The following ARHGAP42 variants were observed in gnomAD, a reference collection of about 807,000 sequenced individuals.
ARHGAP42 encodes rho GTPase-activating protein 42.
In ARHGAP42, 63 loss-of-function variants were observed where a neutral mutation model predicts 125.0. The observed-to-expected ratio is 0.50, with a 90% CI of 0.41 to 0.62. The LOEUF is 0.62. Ranked by LOEUF, ARHGAP42 falls within the 20% of genes least tolerant of loss-of-function variation. ARHGAP42 has a pLI of 0.00. For missense variants in ARHGAP42, 766 were observed against 1,024.2 expected (o/e 0.75, Z 3.44); for synonymous variants, 339 against 351.0 (o/e 0.97, Z 0.38).
chr11:100,870,715 T>G (rs1468631599), intron 4 of ARHGAP42, among the ~76,000 whole-genome samples: 1 of 152,210 alleles, frequency 6.6e-6, no homozygotes, highest in Admixed American at 6.5e-5. Flanking sequence ...TATTTCACAC[T>G]TATGTTTTAG....
intron 4 of ARHGAP42, among the ~76,000 whole-genome samples, chr11:100,878,363 G>T (rs1183567929): frequency 6.6e-6 from 1 of 151,912 alleles, no homozygotes; most frequent in Non-Finnish European, 1.5e-5. Flanking sequence ...GGGTTATATT[G>T]ATACGATTTG....
intron 1 of ARHGAP42, among the ~76,000 whole-genome samples, chr11:100,745,476 C>G (rs1207710199): frequency 6.6e-6 from 1 of 152,148 alleles, no homozygotes; most frequent in Non-Finnish European, 1.5e-5. Flanking sequence ...ATAAGTACAC[C>G]TATTACGGCT....
At chr11:100,972,755 A>G (rs1474851492) in intron 17 of ARHGAP42, among the ~76,000 whole-genome samples, 2 of 152,190 alleles carry the variant, frequency 1.3e-5, no homozygotes, top group African/African-American at 4.8e-5. Context: ...TGGGAAGACT[A>G]AATACAATAA....
intron 5 of ARHGAP42, among the ~76,000 whole-genome samples, chr11:100,918,089 C>G (rs2135238758): frequency 6.6e-6 from 1 of 152,154 alleles, no homozygotes; most frequent in South Asian, 2.1e-4. Context: ...TCTTGTCAGC[C>G]TCCTTCTTAA....
At chr11:100,950,100 G>A in intron 12 of ARHGAP42, 144 bp downstream of exon 12, 2 of 393,800 alleles carry the variant, frequency 5.1e-6, no homozygotes, top group Non-Finnish European at 8.6e-6. Context: ...TATTTAAAAT[G>A]TTTCTCATGT....
Position 100,939,792 on chromosome 11 carries a change from A to G in ARHGAP42, c.833-1992A>G, listed in dbSNP as rs78132090. Among the ~76,000 whole-genome samples the G allele has an allele frequency of 7.3e-3, 1,112 of 152,336 alleles. 18 individuals are homozygous for G. The highest frequency in any genetic ancestry group is 0.025 in the African/African-American group (1,041 of 41,574). ...CCTAGTGCCAGTCAACTTTAAAGAA[A>G]GCAGCATGTGTTTGCAGCAAACTCG... On this transcript the variant is annotated intron_variant, in intron 8 of 23. Coordinates refer to ENST00000298815, the MANE Select transcript of ARHGAP42 (RefSeq NM_152432.4).
At chr11:100,694,680 T>A (rs1054124345) in intron 1 of ARHGAP42, among the ~76,000 whole-genome samples, 1 of 152,184 alleles carries the variant, frequency 6.6e-6, no homozygotes, top group Admixed American at 6.5e-5. Context: ...CTCCAGTGGT[T>A]CAGGCCTCAT....
chr11:100,762,334 G>A (rs1232527493), intron 1 of ARHGAP42, among the ~76,000 whole-genome samples: 1 of 151,814 alleles, frequency 6.6e-6, no homozygotes, highest in African/African-American at 2.4e-5. Context: ...GCTTTTTTTT[G>A]CATTTTCAGG....
At chr11:100,946,454 C>T (rs1287035946) in intron 10 of ARHGAP42, among the ~76,000 whole-genome samples, 1 of 152,064 alleles carries the variant, frequency 6.6e-6, no homozygotes, top group Non-Finnish European at 1.5e-5. Context: ...TTCAACATGT[C>T]TTTCTCACTA....
At chr11:100,712,325 C>T (rs986175808) in intron 1 of ARHGAP42, among the ~76,000 whole-genome samples, 11 of 151,936 alleles carry the variant, frequency 7.2e-5, no homozygotes, top group African/African-American at 2.4e-4. Context: ...ATAAAGTTTA[C>T]CAAATTAGTT....
At chr11:100,687,953 G>A (rs1448562517) in intron 1 of ARHGAP42, 121 bp downstream of exon 1, 4 of 1,135,340 alleles carry the variant, frequency 3.5e-6, no homozygotes, top group African/African-American at 3.2e-5. Flanking sequence ...GGGGACAAAA[G>A]CTGAAGAGCT....
At chr11:100,752,399 C>G (rs959580122) in intron 1 of ARHGAP42, among the ~76,000 whole-genome samples, 1 of 152,220 alleles carries the variant, frequency 6.6e-6, no homozygotes, top group African/African-American at 2.4e-5. Context: ...AACTGTGCCA[C>G]TGCTGAAACT....
chr11:100,757,081 T>C (rs561472753), intron 1 of ARHGAP42, among the ~76,000 whole-genome samples: 9 of 152,294 alleles, frequency 5.9e-5, no homozygotes, highest in Admixed American at 5.2e-4. Context: ...GCAGTTAAAA[T>C]AGTTACGTGG....
At chr11:100,955,499 A>T (rs1857780316) in intron 12 of ARHGAP42, among the ~76,000 whole-genome samples, 1 of 152,056 alleles carries the variant, frequency 6.6e-6, no homozygotes, top group South Asian at 2.1e-4. Context: ...ATCAACTCTA[A>T]CCCTAATAGA....
chr11:100,784,631 A>G (rs566355460), intron 2 of ARHGAP42, among the ~76,000 whole-genome samples: 7 of 152,260 alleles, frequency 4.6e-5, no homozygotes, highest in Admixed American at 4.6e-4. Context: ...GAGAATTATG[A>G]ACTTAGTTTT....
intron 5 of ARHGAP42, among the ~76,000 whole-genome samples, chr11:100,914,935 T>C (rs984579900): frequency 6.6e-6 from 1 of 152,148 alleles, no homozygotes; most frequent in Admixed American, 6.5e-5. Context: ...GCCTTTTTTT[T>C]CCAACAGGCA....
chr11:100,771,708 C>T (rs1299857752), intron 2 of ARHGAP42, among the ~76,000 whole-genome samples: 2 of 152,034 alleles, frequency 1.3e-5, no homozygotes, highest in Admixed American at 6.6e-5. Context: ...AAGCAATTCT[C>T]CTGCCTCAGC....
intron 3 of ARHGAP42, among the ~76,000 whole-genome samples, chr11:100,828,690 C>CTT (rs770379228): frequency 1.4e-5 from 2 of 143,988 alleles, no homozygotes; most frequent in African/African-American, 5.1e-5. Context: ...TTCTGTTTGT[C>CTT]TTTTTTTTTT....
intron 12 of ARHGAP42, among the ~76,000 whole-genome samples, chr11:100,953,295 C>T (rs1230256636): frequency 6.6e-6 from 1 of 152,128 alleles, no homozygotes; most frequent in Non-Finnish European, 1.5e-5. Flanking sequence ...CAGATGGCTT[C>T]CACTTATTCT....
Sources: gnomAD v4.1 joint callset for allele counts (sites outside exome capture counted in the v4.1 genomes callset) on GRCh38, gnomAD v4.1.1 for gene constraint, MANE v1.5 for transcripts, NCBI Gene and HGNC (gene_info 2026-07-23, HGNC 2026-07-21) for gene names.